The following DDR2 variants were observed in gnomAD, a reference collection of about 807,000 sequenced individuals.
DDR2 encodes discoidin domain receptor tyrosine kinase 2, also known as discoidin domain-containing receptor 2.
In DDR2, 27 loss-of-function variants were observed where a neutral mutation model predicts 94.9. That is an observed-to-expected ratio of 0.28 (90% CI 0.21 to 0.39). DDR2 has a LOEUF of 0.39. Among genes scored for constraint, DDR2 ranks in the 10% least tolerant of loss-of-function variants. DDR2 has a pLI of 1.00. For synonymous variants in DDR2, 382 were observed against 377.2 expected, an observed-to-expected ratio of 1.01 and a Z score of -0.15; for missense variants, 783 against 1,076.0, an observed-to-expected ratio of 0.73 and a Z score of 3.81.
In DDR2 at chr1:162,726,671, C is replaced by CA. The variant is rs1352554822; in HGVS notation, c.82+7529dup. Among the ~76,000 whole-genome samples, 5 of 152,280 alleles carry CA rather than the reference C, an allele frequency of 3.3e-5. No individual in the cohort carries two copies. The East Asian group carries it at 7.7e-4, about 23-fold the overall frequency. On this transcript the variant is annotated intron_variant, in intron 3 of 17. Coordinates refer to ENST00000367921, the MANE Select transcript of DDR2 (RefSeq NM_006182.4). ...ATGGGACTCCAGGAAGAGCTTCACA[C>CA]AAAGTCCCTTTTCTGGACCTCTCAG...
At chr1:162,632,829 T>C (rs953681297) in intron 1 of DDR2, among the ~76,000 whole-genome samples, 198 bp downstream of exon 1, 1 of 152,154 alleles carries the variant, frequency 6.6e-6, no homozygotes, top group Non-Finnish European at 1.5e-5. Context: ...TCTGGATTTA[T>C]GCTATGAAGG....
intron 3 of DDR2, among the ~76,000 whole-genome samples, chr1:162,732,681 T>C (rs749182406): frequency 2.6e-5 from 4 of 152,256 alleles, no homozygotes; most frequent in Non-Finnish European, 5.9e-5. Context: ...GTCAGTCTTG[T>C]CTGGGCCCAG....
At chr1:162,717,843 G>A (rs1661240515) in intron 2 of DDR2, among the ~76,000 whole-genome samples, 1 of 152,192 alleles carries the variant, frequency 6.6e-6, no homozygotes, top group African/African-American at 2.4e-5. Flanking sequence ...TCTTGAGGAA[G>A]TGTTTGTCAG....
intron 2 of DDR2, among the ~76,000 whole-genome samples, chr1:162,665,128 T>C (rs1335601429): frequency 2.0e-5 from 3 of 152,322 alleles, no homozygotes; most frequent in South Asian, 2.1e-4. Flanking sequence ...CAAAAACCTT[T>C]TCAGACTTCC....
chr1:162,661,268 A>G (rs537668403), intron 2 of DDR2, among the ~76,000 whole-genome samples: 68 of 152,358 alleles, frequency 4.5e-4, no homozygotes, highest in African/African-American at 1.6e-3. Flanking sequence ...TAATTGTTCA[A>G]CATAAGTCTG....
upstream of DDR2, among the ~76,000 whole-genome samples, chr1:162,631,603 C>A (rs1656561406): frequency 6.6e-6 from 1 of 152,088 alleles, no homozygotes; most frequent in Non-Finnish European, 1.5e-5. Context: ...GATCCAGGCT[C>A]TGAAGGGTTA....
At chr1:162,640,044 A>ATT (rs879795108) in intron 1 of DDR2, among the ~76,000 whole-genome samples, 49 of 142,910 alleles carry the variant, frequency 3.4e-4, no homozygotes, top group African/African-American at 1.2e-3. Flanking sequence ...GGGTGAAATG[A>ATT]TTTTTTTTTT....
At chr1:162,634,484 T>A (rs1656719632) in intron 1 of DDR2, among the ~76,000 whole-genome samples, 1 of 152,126 alleles carries the variant, frequency 6.6e-6, no homozygotes, top group African/African-American at 2.4e-5. Flanking sequence ...ACACAGAACG[T>A]CATATGAGGC....
At chr1:162,745,316 G>A (rs1224876816) in intron 3 of DDR2, among the ~76,000 whole-genome samples, 1 of 152,098 alleles carries the variant, frequency 6.6e-6, no homozygotes, top group Non-Finnish European at 1.5e-5. Flanking sequence ...TTGCTGTGCG[G>A]AAGTTTTTGT....
chr1:162,651,425 T>C (rs1657684710), intron 1 of DDR2, among the ~76,000 whole-genome samples: 1 of 152,334 alleles, frequency 6.6e-6, no homozygotes, highest in African/African-American at 2.4e-5. Context: ...TAGTGATATT[T>C]CAAGAGTCAG....
At chr1:162,741,712 G>C in intron 3 of DDR2, 1 of 985,346 alleles carries the variant, frequency 1.0e-6, no homozygotes, top group Non-Finnish European at 1.2e-6. Flanking sequence ...AGTCACAAAG[G>C]GTAAGTGAAG....
At chr1:162,746,240 G>A (rs766039533) in intron 3 of DDR2, among the ~76,000 whole-genome samples, 1 of 152,152 alleles carries the variant, frequency 6.6e-6, no homozygotes, top group Non-Finnish European at 1.5e-5. Context: ...TGTGACAGAT[G>A]GTACCTGGAA....
chr1:162,633,787 G>A (rs984551288), intron 1 of DDR2, among the ~76,000 whole-genome samples: 1 of 152,236 alleles, frequency 6.6e-6, no homozygotes, highest in Non-Finnish European at 1.5e-5. Context: ...TTGTGTGTGT[G>A]TGTAAAATAA....
chr1:162,740,058 G>A (rs1571270002), intron 3 of DDR2, among the ~76,000 whole-genome samples: 1 of 151,236 alleles, frequency 6.6e-6, no homozygotes, highest in Non-Finnish European at 1.5e-5. Flanking sequence ...TATCTCTAAA[G>A]TTTACCTCTT....
intron 17 of DDR2, 110 bp downstream of exon 17, chr1:162,778,839 G>A (rs1401447834): frequency 5.7e-6 from 8 of 1,408,586 alleles, no homozygotes; most frequent in Non-Finnish European, 7.9e-6. Flanking sequence ...GACTATCCAG[G>A]TGTTAGTCTT....
At chr1:162,751,027 C>T (rs904235505) in intron 3 of DDR2, among the ~76,000 whole-genome samples, 12 of 152,114 alleles carry the variant, frequency 7.9e-5, no homozygotes, top group African/African-American at 2.2e-4. Context: ...ATGTTAGACC[C>T]AAAACCATAA....
intron 13 of DDR2, 65 bp from the exon 14 acceptor site, chr1:162,773,404 C>T: frequency 6.2e-7 from 1 of 1,605,040 alleles, no homozygotes; most frequent in Non-Finnish European, 8.5e-7. Flanking sequence ...AGGAAATGCC[C>T]AGCAAGAGTA....
At chr1:162,730,683 G>A (rs1263313307) in intron 3 of DDR2, among the ~76,000 whole-genome samples, 1 of 152,102 alleles carries the variant, frequency 6.6e-6, no homozygotes, top group African/African-American at 2.4e-5. Context: ...TGAATTCTTG[G>A]TCTTCCAGTG....
intron 2 of DDR2, among the ~76,000 whole-genome samples, chr1:162,704,744 A>G (rs1317368027): frequency 6.6e-6 from 1 of 152,146 alleles, no homozygotes; most frequent in East Asian, 1.9e-4. Context: ...TCCTAATACT[A>G]TCACATTGAG....
Sources: allele counts gnomAD v4.1 joint callset (sites outside exome capture counted in the v4.1 genomes callset), GRCh38; gene constraint gnomAD v4.1.1; transcripts MANE v1.5; gene names NCBI Gene and HGNC (gene_info 2026-07-23, HGNC 2026-07-21).